The following DACH2 variants were observed in gnomAD, a reference collection of about 807,000 sequenced individuals.
The protein encoded by DACH2 is dachshund homolog 2.
A neutral mutation model predicts 35.8 loss-of-function variants in DACH2; 17 were observed. The observed-to-expected ratio is 0.48, with a 90% CI of 0.33 to 0.71. The LOEUF (loss-of-function observed/expected upper bound fraction) is 0.71, where lower values mean the gene tolerates loss of function less well. Among genes scored for constraint, DACH2 ranks in the 30% least tolerant of loss-of-function variants. The probability of loss-of-function intolerance (pLI) is 0.02; values close to 1 mark genes in which losing one functional copy is unlikely to be tolerated. For synonymous variants in DACH2, 195 were observed against 177.3 expected, an observed-to-expected ratio of 1.10 and a Z score of -0.79; for missense variants, 469 against 472.7, an observed-to-expected ratio of 0.99 and a Z score of 0.07.
At chrX:86,165,127 T>C (rs1470639181) in intron 1 of DACH2, among the ~76,000 whole-genome samples, 1 of 110,878 alleles carries the variant, frequency 9.0e-6, no homozygotes, top group Non-Finnish European at 1.9e-5. Flanking sequence ...TGTTTTCTAA[T>C]TCTCATTGTA....
intron 1 of DACH2, among the ~76,000 whole-genome samples, chrX:86,228,149 A>T (rs966004939): frequency 4.6e-5 from 5 of 108,857 alleles, no homozygotes; most frequent in Non-Finnish European, 9.6e-5. Flanking sequence ...TCCAAAGTCC[A>T]TTGTATCATT....
At position 86,161,144 on chromosome X, in the gene DACH2, G is replaced by A. The variant is rs145392269; in HGVS notation, c.488+12036G>A. On this transcript the variant is annotated intron_variant, in intron 1 of 11. Transcript: ENST00000373125. ...TAATGTAAGTGCTGACTTCCTTAAC[G>A]ATTTCCTCATATCTCTTCTGGCTGC... 3.3e-4 allele frequency: 381 copies of A among 1,139,233 alleles called. No homozygotes were observed. In the African/African-American group the frequency reaches 4.9e-3, roughly 15 times the overall value. 93.9% of individuals were successfully genotyped at this position (1,139,233 alleles called of 1,213,427 possible).
Position 86,315,834 on chromosome X carries a change from C to CAGAGAG in DACH2, c.489-60989_489-60988insGAGAGA, listed in dbSNP as rs1418420950. On this transcript the variant is annotated intron_variant, in intron 1 of 11. Coordinates refer to ENST00000373125, the MANE Select transcript of DACH2 (RefSeq NM_053281.3). The stretch of plus-strand genomic sequence containing the variant: ...ACACACACACACACACACACACACA[C>CAGAGAG]ACACACAGAGAGAGAGAGGGAGATT... 8.0e-3 allele frequency among the ~76,000 whole-genome samples: 615 copies of CAGAGAG among 76,976 alleles called. 16 individuals carry two copies. The highest frequency in any genetic ancestry group is 0.03 in the African/African-American group (524 of 17,611). The allele number at this position is 76,976 out of a possible 115,157, so 66.8% of individuals were successfully genotyped here. A position where few individuals can be genotyped will look rare whatever the true frequency, so the allele number is the denominator to read the frequency against.
intron 7 of DACH2, among the ~76,000 whole-genome samples, chrX:86,774,736 A>G (rs1211161028): frequency 8.9e-6 from 1 of 111,983 alleles, no homozygotes; most frequent in African/African-American, 3.2e-5. Flanking sequence ...GTTTTATTTC[A>G]CAAAAGTTCA....
At chrX:86,804,960 T>C (rs1293405977) in intron 7 of DACH2, among the ~76,000 whole-genome samples, 1 of 112,350 alleles carries the variant, frequency 8.9e-6, no homozygotes, top group African/African-American at 3.2e-5. Context: ...TCTAGGTTCA[T>C]AGTGCAGGCT....
chrX:86,184,207 T>G (rs242864), intron 1 of DACH2: 74,998 of 177,355 alleles, frequency 0.42, 14,025 homozygotes, highest in Non-Finnish European at 0.5. Flanking sequence ...ATTTCTAGTC[T>G]TCTGATTTTT....
intron 3 of DACH2, among the ~76,000 whole-genome samples, chrX:86,556,057 T>C (rs2039113958): frequency 8.9e-6 from 1 of 111,896 alleles, no homozygotes; most frequent in Non-Finnish European, 1.9e-5. Context: ...TATGTGATGA[T>C]GAGTAAAAGA....
intron 3 of DACH2, among the ~76,000 whole-genome samples, chrX:86,598,147 C>T (rs573175461): frequency 6.3e-5 from 7 of 111,520 alleles, no homozygotes; most frequent in African/African-American, 1.3e-4. Context: ...TCCCACAACA[C>T]GGGAATTCAA....
intron 2 of DACH2, among the ~76,000 whole-genome samples, chrX:86,396,164 T>C (rs1453185701): frequency 2.7e-5 from 3 of 112,063 alleles, no homozygotes; most frequent in Admixed American, 9.5e-5. Flanking sequence ...TTTCATGTGT[T>C]TTTTGGCTGC....
At chrX:86,357,622 C>G (rs759738186) in intron 1 of DACH2, among the ~76,000 whole-genome samples, 2 of 112,054 alleles carry the variant, frequency 1.8e-5, no homozygotes, top group Non-Finnish European at 3.8e-5. Flanking sequence ...CAGAGCAATA[C>G]CATTTGTATT....
At chrX:86,518,519 C>A (rs1055175217) in intron 3 of DACH2, among the ~76,000 whole-genome samples, 7 of 112,005 alleles carry the variant, frequency 6.2e-5, no homozygotes, top group African/African-American at 2.3e-4. Flanking sequence ...TGATTATTCC[C>A]ATCCATGAGC....
At chrX:86,532,973 T>C (rs1474665881) in intron 3 of DACH2, among the ~76,000 whole-genome samples, 1 of 112,092 alleles carries the variant, frequency 8.9e-6, no homozygotes, top group African/African-American at 3.2e-5. Context: ...AAAACCATAA[T>C]TTGCTTACCT....
rs112571550 is a variant in DACH2, at chrX:86,193,304, G to A, written c.488+44196G>A. Among the ~76,000 whole-genome samples the A allele has an allele frequency of 5.5e-3, 618 of 111,576 alleles. 2 individuals are homozygous for A. The highest frequency in any genetic ancestry group is 0.02 in the African/African-American group (601 of 30,738). ...TTTGTGAGAAGTAGATTATCTCTGT[G>A]TTTATTAATAGTGTTGTCAGTTGCT... is the stretch of plus-strand genomic sequence containing the variant. On this transcript the variant is annotated intron_variant, in intron 1 of 11. Transcript: ENST00000373125.
At chrX:86,307,038 A>G (rs781551398) in intron 1 of DACH2, among the ~76,000 whole-genome samples, 2 of 111,516 alleles carry the variant, frequency 1.8e-5, no homozygotes, top group Non-Finnish European at 3.8e-5. Context: ...TGCATTTGAC[A>G]CTCCTGATTC....
intron 7 of DACH2, among the ~76,000 whole-genome samples, chrX:86,800,080 C>T (rs1042055466): frequency 1.1e-4 from 12 of 112,042 alleles, no homozygotes; most frequent in African/African-American, 3.6e-4. Flanking sequence ...CAGAAAGGGA[C>T]GTATCAGATG....
At chrX:86,443,504 ATT>A (rs112649268) in intron 2 of DACH2, among the ~76,000 whole-genome samples, 2,954 of 99,347 alleles carry the variant, frequency 0.03, 117 homozygotes, top group African/African-American at 0.1. Flanking sequence ...ATTTGAATGA[ATT>A]TTTTTTTTTT....
At position 86,532,140 on chromosome X, in the gene DACH2, G is replaced by C. The variant is rs139644412; in HGVS notation, c.640+17749G>C. ...ATCTTGGAAGTAACTATATTGTTTT[G>C]ATTTTACAGGCTTATAGGTGAAAGG... On this transcript the variant is annotated intron_variant, in intron 3 of 11. Transcript: ENST00000373125. Among the ~76,000 whole-genome samples, 53 of 112,376 alleles carry C rather than the reference G, an allele frequency of 4.7e-4. 1 individual carries two copies. The highest frequency in any genetic ancestry group is 1.5e-3 in the African/African-American group (48 of 30,978).
chrX:86,585,846 C>G (rs747015536), intron 3 of DACH2, among the ~76,000 whole-genome samples: 4 of 111,455 alleles, frequency 3.6e-5, no homozygotes, highest in Non-Finnish European at 7.6e-5. Flanking sequence ...CATATCTTTG[C>G]TATTGTGAAT....
intron 7 of DACH2, among the ~76,000 whole-genome samples, chrX:86,743,147 A>G (rs1294562020): frequency 9.0e-6 from 1 of 111,555 alleles, no homozygotes; most frequent in Non-Finnish European, 1.9e-5. Context: ...TATTTTAAAA[A>G]TATGTGCTAA....
Sources: allele counts gnomAD v4.1 joint callset (sites outside exome capture counted in the v4.1 genomes callset), GRCh38; gene constraint gnomAD v4.1.1; transcripts MANE v1.5; gene names NCBI Gene and HGNC (gene_info 2026-07-23, HGNC 2026-07-21).